BTBD9: variants seen among roughly 807,000 people sequenced by gnomAD.
BTBD9 encodes the protein BTB/POZ domain-containing protein 9.
In BTBD9, 49 loss-of-function variants were observed where a neutral mutation model predicts 64.3. The ratio of observed to expected loss-of-function variants is 0.76; its 90% confidence interval spans 0.61 to 0.97. BTBD9 has a LOEUF of 0.97. Ranked by LOEUF, BTBD9 falls within the 50% of genes least tolerant of loss-of-function variation. The pLI, the probability that BTBD9 is intolerant of heterozygous loss-of-function variation, is 0.00. For missense variants in BTBD9, 598 were observed against 762.1 expected, an observed-to-expected ratio of 0.78 and a Z score of 2.53; for synonymous variants, 260 against 274.7, an observed-to-expected ratio of 0.95 and a Z score of 0.53.
chr6:38,551,029 T>C (rs1774781089), intron 6 of BTBD9, among the ~76,000 whole-genome samples: 1 of 152,226 alleles, frequency 6.6e-6, no homozygotes, highest in Admixed American at 6.5e-5. Flanking sequence ...ATTGGCTTGT[T>C]CATTAATCTT....
intron 9 of BTBD9, among the ~76,000 whole-genome samples, chr6:38,213,478 AAT>A (rs1438174048): frequency 6.6e-6 from 1 of 152,182 alleles, no homozygotes; most frequent in Non-Finnish European, 1.5e-5. Context: ...GGAATCTCTG[AAT>A]ATGAGTTCTG....
chr6:38,269,764 T>C (rs954140111), intron 8 of BTBD9, among the ~76,000 whole-genome samples: 1 of 152,196 alleles, frequency 6.6e-6, no homozygotes, highest in South Asian at 2.1e-4. Context: ...CTTCCACATT[T>C]GTTTGGTTGA....
Position 38,257,204 on chromosome 6 carries a change from A to G in BTBD9, c.1455-688T>C, listed in dbSNP as rs373742693. On this transcript the variant is annotated intron_variant, in intron 8 of 10. Transcript: ENST00000481247. ...AGGTGCGAGCCACCGTGCCCAGCCT[A>G]ATTGATTTTTTATTTTTAGAGCAAA... Among the ~76,000 whole-genome samples, 3 of 150,190 alleles carry G rather than the reference A, an allele frequency of 2.0e-5. No homozygotes were observed. In the East Asian group the frequency reaches 5.9e-4, roughly 29 times the overall value.
chr6:38,239,921 T>C (rs555740004), intron 9 of BTBD9, among the ~76,000 whole-genome samples: 5 of 152,288 alleles, frequency 3.3e-5, no homozygotes, highest in South Asian at 2.1e-4. Flanking sequence ...ACTTACCTTA[T>C]CAGAAAGAGC....
chr6:38,275,955 C>G (rs1442692118), intron 8 of BTBD9, among the ~76,000 whole-genome samples: 1 of 152,054 alleles, frequency 6.6e-6, no homozygotes, highest in Non-Finnish European at 1.5e-5. Flanking sequence ...CCTCAGGGAT[C>G]TAGAACTAGA....
intron 5 of BTBD9, among the ~76,000 whole-genome samples, chr6:38,578,952 C>T (rs539656638): frequency 1.3e-5 from 2 of 152,082 alleles, no homozygotes; most frequent in South Asian, 2.1e-4. Context: ...GAGTGAAATA[C>T]GTAAAGCTTT....
At chr6:38,504,530 C>A in intron 6 of BTBD9, 1 of 456,672 alleles carries the variant, frequency 2.2e-6, no homozygotes, top group South Asian at 1.5e-5. Flanking sequence ...TCAGTTAGAT[C>A]CCTCTTCTCC....
chr6:38,604,716 GA>G (rs1173883496), intron 1 of BTBD9, among the ~76,000 whole-genome samples: 1 of 152,110 alleles, frequency 6.6e-6, no homozygotes, highest in Non-Finnish European at 1.5e-5. Context: ...ACAGAACTCA[GA>G]AAATTATCAG....
intron 6 of BTBD9, among the ~76,000 whole-genome samples, chr6:38,556,550 T>TGA (rs139812784): frequency 1.6e-4 from 10 of 61,684 alleles, no homozygotes; most frequent in East Asian, 4.5e-4. Flanking sequence ...TGTGTGTGTG[T>TGA]GAGAGAGAGA....
chr6:38,286,554 C>A (rs1275979791), intron 8 of BTBD9, among the ~76,000 whole-genome samples: 1 of 151,840 alleles, frequency 6.6e-6, no homozygotes, highest in African/African-American at 2.4e-5. Flanking sequence ...TTTTCATTAG[C>A]CCTTCAGAGA....
At chr6:38,472,816 T>C (rs1429065792) in intron 6 of BTBD9, among the ~76,000 whole-genome samples, 1 of 152,212 alleles carries the variant, frequency 6.6e-6, no homozygotes, top group Non-Finnish European at 1.5e-5. Flanking sequence ...CACTCTTGCA[T>C]TACTCACATT....
At chr6:38,601,480 T>C (rs908867782) in intron 1 of BTBD9, among the ~76,000 whole-genome samples, 4 of 151,954 alleles carry the variant, frequency 2.6e-5, no homozygotes, top group African/African-American at 9.7e-5. Context: ...GGCTAAGATA[T>C]GCAGATCATT....
chr6:38,286,507 T>C (rs1379706503), intron 8 of BTBD9, among the ~76,000 whole-genome samples: 1 of 152,124 alleles, frequency 6.6e-6, no homozygotes, highest in Non-Finnish European at 1.5e-5. Context: ...TACATATACA[T>C]ATACACACAC....
At chr6:38,222,146 C>T (rs1194071156) in intron 9 of BTBD9, among the ~76,000 whole-genome samples, 1 of 151,252 alleles carries the variant, frequency 6.6e-6, no homozygotes, top group East Asian at 1.9e-4. Flanking sequence ...GTATGTTTGA[C>T]ACTGGAATAT....
At chr6:38,439,110 C>CT (rs35699356) in intron 6 of BTBD9, among the ~76,000 whole-genome samples, 2,924 of 63,924 alleles carry the variant, frequency 0.046, 7 homozygotes, top group Non-Finnish European at 0.055. Context: ...TAGCAACTGA[C>CT]TTTTTTTTTT....
intron 6 of BTBD9, among the ~76,000 whole-genome samples, chr6:38,468,581 T>C (rs1770500713): frequency 6.6e-6 from 1 of 152,206 alleles, no homozygotes; most frequent in Non-Finnish European, 1.5e-5. Flanking sequence ...ACTTAATACA[T>C]ACTGCTTTAT....
intron 6 of BTBD9, among the ~76,000 whole-genome samples, chr6:38,503,758 T>C (rs774093139): frequency 5.3e-5 from 8 of 152,188 alleles, no homozygotes; most frequent in Non-Finnish European, 1.2e-4. Flanking sequence ...ATGCACACTA[T>C]GTAAACAATA....
intron 9 of BTBD9, among the ~76,000 whole-genome samples, chr6:38,227,519 G>A (rs1018592437): frequency 4.6e-5 from 7 of 152,212 alleles, no homozygotes; most frequent in Non-Finnish European, 7.3e-5. Context: ...TCCGCCTGAT[G>A]AGGCTGGGAA....
chr6:38,260,875 CTTTA>C (rs933486632), intron 8 of BTBD9, among the ~76,000 whole-genome samples: 4 of 152,110 alleles, frequency 2.6e-5, no homozygotes, highest in South Asian at 4.1e-4. Context: ...ATGTCTCATA[CTTTA>C]TTTAATCAAT....
Sources: gnomAD v4.1 joint callset for allele counts (sites outside exome capture counted in the v4.1 genomes callset) on GRCh38, gnomAD v4.1.1 for gene constraint, MANE v1.5 for transcripts, NCBI Gene and HGNC (gene_info 2026-07-23, HGNC 2026-07-21) for gene names.